B3GALT1: variants seen among roughly 807,000 people sequenced by gnomAD.
B3GALT1 encodes beta-1,3-galactosyltransferase 1.
Under a neutral mutation model 23.2 loss-of-function variants are expected in B3GALT1, and 10 were observed. That is an observed-to-expected ratio of 0.43 (90% CI 0.27 to 0.73). The LOEUF (loss-of-function observed/expected upper bound fraction) is 0.73, where lower values mean the gene tolerates loss of function less well. B3GALT1 is among the 30% of genes least tolerant of loss of function. B3GALT1 has a pLI of 0.21. For missense variants in B3GALT1, 299 were observed against 405.4 expected (o/e 0.74, Z 2.25); for synonymous variants, 156 against 141.5 (o/e 1.10, Z -0.73).
intron 3 of B3GALT1, among the ~76,000 whole-genome samples, chr2:167,786,238 C>T (rs1316569654): frequency 6.6e-6 from 1 of 152,198 alleles, no homozygotes; most frequent in East Asian, 1.9e-4. Flanking sequence ...GTAAGTTTTT[C>T]ACAACAGGGA....
chr2:167,480,869 T>C (rs1381876168), intron 1 of B3GALT1, among the ~76,000 whole-genome samples: 1 of 152,018 alleles, frequency 6.6e-6, no homozygotes, highest in East Asian at 1.9e-4. Context: ...CGGCAACCCA[T>C]ACTGTCTACA....
chr2:167,321,365 T>C (rs1696807636), intron 1 of B3GALT1, among the ~76,000 whole-genome samples: 1 of 152,102 alleles, frequency 6.6e-6, no homozygotes, highest in Non-Finnish European at 1.5e-5. Context: ...TGCCAACTGT[T>C]AGACTGATTG....
At chr2:167,431,767 A>T (rs1378622864) in intron 1 of B3GALT1, among the ~76,000 whole-genome samples, 1 of 152,178 alleles carries the variant, frequency 6.6e-6, no homozygotes, top group Non-Finnish European at 1.5e-5. Context: ...ACTTAAAATT[A>T]TTACCTGAAA....
At chr2:167,513,141 G>T (rs1437707380) in intron 2 of B3GALT1, among the ~76,000 whole-genome samples, 2 of 149,426 alleles carry the variant, frequency 1.3e-5, no homozygotes, top group African/African-American at 4.9e-5. Flanking sequence ...AAATTTGGGG[G>T]ACTCAGGGAA....
intron 2 of B3GALT1, among the ~76,000 whole-genome samples, chr2:167,507,679 G>A (rs570669844): frequency 2.0e-4 from 30 of 152,018 alleles, no homozygotes; most frequent in African/African-American, 6.8e-4. Context: ...AGACAGATAC[G>A]TATTGTGAAG....
intron 2 of B3GALT1, among the ~76,000 whole-genome samples, chr2:167,535,093 C>T (rs1457114200): frequency 6.6e-6 from 1 of 152,058 alleles, no homozygotes; most frequent in Non-Finnish European, 1.5e-5. Flanking sequence ...ATCAGAAGTC[C>T]CATTCCCTTG....
intron 2 of B3GALT1, among the ~76,000 whole-genome samples, chr2:167,615,760 C>T (rs1410427414): frequency 6.6e-6 from 1 of 152,012 alleles, no homozygotes; most frequent in Admixed American, 6.6e-5. Flanking sequence ...GTGTTTAGCA[C>T]GTGTCATGCA....
intron 1 of B3GALT1, among the ~76,000 whole-genome samples, chr2:167,448,173 C>G (rs1699031770): frequency 6.6e-6 from 1 of 152,110 alleles, no homozygotes; most frequent in Non-Finnish European, 1.5e-5. Flanking sequence ...GGTTGTTCTA[C>G]TTTTAGTTCT....
chr2:167,331,715 G>A (rs1323455494), intron 1 of B3GALT1, among the ~76,000 whole-genome samples: 1 of 152,126 alleles, frequency 6.6e-6, no homozygotes, highest in Non-Finnish European at 1.5e-5. Flanking sequence ...GGGCCCCCTG[G>A]TGGTACCTAA....
chr2:167,469,651 TAA>T (rs1261125190), intron 1 of B3GALT1, among the ~76,000 whole-genome samples: 7 of 152,168 alleles, frequency 4.6e-5, no homozygotes, highest in Admixed American at 4.6e-4. Flanking sequence ...CTTATGATTG[TAA>T]AGTAAAAGTT....
At chr2:167,555,405 T>A (rs1319862248) in intron 2 of B3GALT1, among the ~76,000 whole-genome samples, 1 of 152,212 alleles carries the variant, frequency 6.6e-6, no homozygotes, top group African/African-American at 2.4e-5. Flanking sequence ...CCCTGTTCTT[T>A]CCACTATCCC....
At chr2:167,333,388 A>G (rs1360931338) in intron 1 of B3GALT1, among the ~76,000 whole-genome samples, 1 of 152,188 alleles carries the variant, frequency 6.6e-6, no homozygotes, top group Non-Finnish European at 1.5e-5. Flanking sequence ...GAATTGGTCA[A>G]AATTCTCTTT....
chr2:167,325,822 A>G (rs952162633), intron 1 of B3GALT1, among the ~76,000 whole-genome samples: 48 of 151,164 alleles, frequency 3.2e-4, no homozygotes, highest in African/African-American at 1.2e-3. Flanking sequence ...GGTTCAAGCA[A>G]TTCTCCTGCA....
intron 3 of B3GALT1, among the ~76,000 whole-genome samples, chr2:167,765,773 C>T (rs750000599): frequency 8.5e-5 from 13 of 152,142 alleles, no homozygotes; most frequent in Non-Finnish European, 1.9e-4. Context: ...AATGTCTTTT[C>T]TTCATCAGAT....
chr2:167,670,034 A>G (rs1382852647), intron 3 of B3GALT1, among the ~76,000 whole-genome samples: 1 of 152,226 alleles, frequency 6.6e-6, no homozygotes, highest in Non-Finnish European at 1.5e-5. Context: ...CTCAGAGGAT[A>G]CATCACCTGC....
chr2:167,794,829 T>G (rs182964903), intron 3 of B3GALT1, among the ~76,000 whole-genome samples: 1 of 152,322 alleles, frequency 6.6e-6, no homozygotes, highest in Admixed American at 6.5e-5. Flanking sequence ...AAGCGATTTC[T>G]CACCTTGCTT....
At chr2:167,380,412 G>T (rs886916128) in intron 1 of B3GALT1, among the ~76,000 whole-genome samples, 3 of 152,216 alleles carry the variant, frequency 2.0e-5, no homozygotes, top group African/African-American at 7.2e-5. Flanking sequence ...TAGCAGCTCT[G>T]CTCCTGCCCC....
intron 1 of B3GALT1, among the ~76,000 whole-genome samples, chr2:167,335,376 T>A (rs189658543): frequency 2.5e-4 from 38 of 152,256 alleles, no homozygotes; most frequent in African/African-American, 8.4e-4. Context: ...TAGGCCATAT[T>A]TAGTTTGTTT....
At chr2:167,696,296 CAAAA>C (rs35575073) in intron 3 of B3GALT1, among the ~76,000 whole-genome samples, 122 of 91,832 alleles carry the variant, frequency 1.3e-3, no homozygotes, top group Middle Eastern at 6.9e-3. Flanking sequence ...TGGTAAGAGG[CAAAA>C]AAAAAAAAAA....
Sources: allele counts gnomAD v4.1 joint callset (sites outside exome capture counted in the v4.1 genomes callset), GRCh38; gene constraint gnomAD v4.1.1; transcripts MANE v1.5; gene names NCBI Gene and HGNC (gene_info 2026-07-23, HGNC 2026-07-21).